Variants in CYRIB observed in about 807,000 individuals in gnomAD.
CYRIB encodes CYFIP-related Rac1 interactor B.
A neutral mutation model predicts 44.2 loss-of-function variants in CYRIB; 8 were observed. That is an observed-to-expected ratio of 0.18 (90% CI 0.11 to 0.33). The LOEUF (loss-of-function observed/expected upper bound fraction) is 0.33. Among genes scored for constraint, CYRIB ranks in the 10% least tolerant of loss-of-function variants. CYRIB has a pLI of 1.00. For synonymous variants in CYRIB, 131 were observed against 127.2 expected (o/e 1.03, Z -0.20); for missense variants, 185 against 382.8 (o/e 0.48, Z 4.31).
chr8:129,901,125 T>C (rs546418291), intron 2 of CYRIB, among the ~76,000 whole-genome samples: 1 of 152,358 alleles, frequency 6.6e-6, no homozygotes, highest in Admixed American at 6.5e-5. Context: ...GGCTAATTTT[T>C]TGTATTTCTA....
intron 1 of CYRIB, among the ~76,000 whole-genome samples, chr8:129,919,563 G>A (rs1009757053): frequency 6.6e-6 from 1 of 152,120 alleles, no homozygotes; most frequent in African/African-American, 2.4e-5. Context: ...GAAAACAGAT[G>A]AGGGAGTAAT....
At chr8:129,875,242 A>G (rs2058700528) in intron 3 of CYRIB, among the ~76,000 whole-genome samples, 1 of 151,838 alleles carries the variant, frequency 6.6e-6, no homozygotes, top group South Asian at 2.1e-4. Context: ...AACAACTAGA[A>G]GAGGCTATGC....
chr8:129,886,086 TACA>T lies in CYRIB; in HGVS notation c.-10-6618_-10-6616del, dbSNP rs1423097714. The stretch of plus-strand genomic sequence containing the variant: ...CTCAAGGACTTCATGTGCCCTCTAC[TACA>T]ACATCATCTTTCCTGTCCTCTTTAT... On this transcript the variant is annotated intron_variant, in intron 2 of 11. Coordinates refer to ENST00000519824, the Ensembl canonical transcript of CYRIB. Among the ~76,000 whole-genome samples the T allele has an allele frequency of 1.2e-4, 18 of 152,210 alleles. 1 individual carries two copies. Among genetic ancestry groups the T allele is most frequent in the Non-Finnish European group, 5.9e-5 (4 of 68,034 alleles).
chr8:129,847,095 T>C lies in CYRIB; in HGVS notation c.841-221A>G, dbSNP rs147596424. On this transcript the variant is annotated intron_variant, in intron 10 of 11. Transcript: ENST00000519824. ...TTGAGAACAAAATCAGTCAAACTAA[T>C]ATACCACACATGCAATGAAAAACAA... The C allele has an allele frequency of 7.5e-5, 32 of 424,306 alleles. No homozygotes were observed. In the South Asian group the frequency reaches 1.1e-3, roughly 14 times the overall value. The allele number at this position is 424,306 out of a possible 1,614,324, so 26.3% of individuals were successfully genotyped here.
At chr8:129,932,560 C>G (rs767959070) in intron 1 of CYRIB, among the ~76,000 whole-genome samples, 1 of 152,180 alleles carries the variant, frequency 6.6e-6, no homozygotes, top group Non-Finnish European at 1.5e-5. Flanking sequence ...AGTGCAAATG[C>G]TGATACTCTG....
chr8:129,922,144 G>GGTTATTGC (rs1450940427), intron 1 of CYRIB, among the ~76,000 whole-genome samples: 1 of 152,110 alleles, frequency 6.6e-6, no homozygotes, highest in African/African-American at 2.4e-5. Flanking sequence ...ATCTGCCTCT[G>GGTTATTGC]GTTATTGCTC....
At chr8:129,987,075 C>T (rs76595398) in intron 1 of CYRIB, among the ~76,000 whole-genome samples, 4,778 of 152,310 alleles carry the variant, frequency 0.031, 126 homozygotes, top group Non-Finnish European at 0.044. Context: ...CTTCCCCCTA[C>T]CCTACAGCGT....
At position 130,006,452 on chromosome 8, in the gene CYRIB, A is replaced by AAAAATAAAAT. The variant is rs568957867; in HGVS notation, c.-296+9908_-296+9917dup. ...GCAACGTAGCAAGACTCTCATCTCA[A>AAAAATAAAAT]AAAATAAAATAAAATAAAATAAAAT... On this transcript the variant is annotated intron_variant, in intron 1 of 14. Coordinates refer to the CYRIB transcript ENST00000401979. 1.5e-3 allele frequency among the ~76,000 whole-genome samples: 216 copies of AAAAATAAAAT among 146,442 alleles called. 1 individual carries two copies. The highest frequency in any genetic ancestry group is 4.9e-3 in the African/African-American group (192 of 39,302).
chr8:129,894,929 AT>A (rs61102044), intron 2 of CYRIB, among the ~76,000 whole-genome samples: 1 of 148,030 alleles, frequency 6.8e-6, no homozygotes, highest in Non-Finnish European at 1.5e-5. Flanking sequence ...ATATATATAT[AT>A]TTTTTTAATT....
chr8:129,929,366 G>T (rs1358033640), intron 1 of CYRIB, among the ~76,000 whole-genome samples: 5 of 152,052 alleles, frequency 3.3e-5, no homozygotes, highest in African/African-American at 9.7e-5. Flanking sequence ...CCTGGGGCAG[G>T]GGGTAGTATG....
At chr8:130,004,084 C>T (rs1379559343) in intron 1 of CYRIB, among the ~76,000 whole-genome samples, 2 of 152,218 alleles carry the variant, frequency 1.3e-5, no homozygotes, top group African/African-American at 4.8e-5. Context: ...CACTCTGTCT[C>T]TCACAGCAGA....
intron 1 of CYRIB, among the ~76,000 whole-genome samples, chr8:129,991,310 C>G (rs117431915): frequency 0.02 from 2,704 of 135,194 alleles, 39 homozygotes; most frequent in Non-Finnish European, 0.029. Context: ...ATTTGAAAGT[C>G]TTCTCCAAAA....
chr8:129,958,112 G>A (rs997913774), intron 2 of CYRIB, among the ~76,000 whole-genome samples: 2 of 152,096 alleles, frequency 1.3e-5, no homozygotes, highest in African/African-American at 2.4e-5. Flanking sequence ...AGCCAAGATC[G>A]TGCCACTGCC....
At chr8:129,983,703 A>G (rs1479680800) in intron 1 of CYRIB, among the ~76,000 whole-genome samples, 2 of 152,124 alleles carry the variant, frequency 1.3e-5, no homozygotes, top group Non-Finnish European at 2.9e-5. Flanking sequence ...CACCAGCCAC[A>G]GGGATGCGGG....
At chr8:129,952,817 T>C (rs972444249) in intron 2 of CYRIB, among the ~76,000 whole-genome samples, 1 of 152,128 alleles carries the variant, frequency 6.6e-6, no homozygotes, top group Non-Finnish European at 1.5e-5. Flanking sequence ...GAAAGACAAT[T>C]TACCTTGAAC....
chr8:129,887,395 C>T (rs986299118), intron 2 of CYRIB, among the ~76,000 whole-genome samples: 4 of 152,212 alleles, frequency 2.6e-5, no homozygotes, highest in Non-Finnish European at 5.9e-5. Context: ...ATGGACATGC[C>T]TGGATGTTCA....
chr8:129,868,640 T>C (rs1260434086), intron 4 of CYRIB: 1 of 152,098 alleles, frequency 6.6e-6, no homozygotes, highest in Non-Finnish European at 1.5e-5. Flanking sequence ...CGGTATCCTA[T>C]GCAAAACTTC....
intron 1 of CYRIB, among the ~76,000 whole-genome samples, chr8:130,009,852 G>A (rs145271863): frequency 8.5e-5 from 13 of 152,216 alleles, no homozygotes; most frequent in South Asian, 2.1e-4. Flanking sequence ...GTCATGCAGC[G>A]CTGAGAAGCA....
At chr8:129,931,647 GAC>G (rs1286915540) in intron 1 of CYRIB, among the ~76,000 whole-genome samples, 2 of 151,746 alleles carry the variant, frequency 1.3e-5, no homozygotes, top group African/African-American at 4.8e-5. Context: ...TTTTTTTTGA[GAC>G]AGAGTCTCCC....
Sources: gnomAD v4.1 joint callset for allele counts (sites outside exome capture counted in the v4.1 genomes callset) on GRCh38, gnomAD v4.1.1 for gene constraint, MANE v1.5 for transcripts, NCBI Gene and HGNC (gene_info 2026-07-23, HGNC 2026-07-21) for gene names.